Variants in PRKCE observed in about 807,000 individuals in gnomAD.
PRKCE encodes the protein protein kinase C epsilon, also known as protein kinase C epsilon type.
A neutral mutation model predicts 85.4 loss-of-function variants in PRKCE; 16 were observed. The observed-to-expected ratio is 0.19, with a 90% confidence interval of 0.13 to 0.28. The LOEUF (loss-of-function observed/expected upper bound fraction) is 0.28. PRKCE is among the 10% of genes least tolerant of loss of function. PRKCE has a pLI of 1.00. For synonymous variants in PRKCE, 388 were observed against 371.5 expected (o/e 1.04, Z -0.51); for missense variants, 573 against 975.2 (o/e 0.59, Z 5.49).
chr2:46,010,917 CTT>C, intron 10 of PRKCE: 1 of 1,451,216 alleles, frequency 6.9e-7, no homozygotes, highest in Non-Finnish European at 9.0e-7. Flanking sequence ...ACCTTAATCT[CTT>C]CTAATCTGTG....
At chr2:45,788,117 C>T (rs1304385050) in intron 1 of PRKCE, among the ~76,000 whole-genome samples, 1 of 152,204 alleles carries the variant, frequency 6.6e-6, no homozygotes, top group Non-Finnish European at 1.5e-5. Context: ...GAAACTTTTC[C>T]TGCCAAAGTG....
chr2:45,965,609 C>T (rs1701680834), intron 2 of PRKCE, among the ~76,000 whole-genome samples: 1 of 152,170 alleles, frequency 6.6e-6, no homozygotes, highest in South Asian at 2.1e-4. Flanking sequence ...TATTAAGGAC[C>T]AAATCCAGAA....
intron 1 of PRKCE, among the ~76,000 whole-genome samples, chr2:45,741,483 A>G (rs1489522303): frequency 6.6e-6 from 1 of 152,188 alleles, no homozygotes; most frequent in Non-Finnish European, 1.5e-5. Flanking sequence ...GGGGCCTGGC[A>G]GACAGAGAGC....
At chr2:45,826,128 C>T (rs1035880409) in intron 1 of PRKCE, among the ~76,000 whole-genome samples, 8 of 152,088 alleles carry the variant, frequency 5.3e-5, no homozygotes, top group African/African-American at 1.4e-4. Flanking sequence ...TTTCAGACAC[C>T]GGAGCAGATC....
intron 2 of PRKCE, among the ~76,000 whole-genome samples, chr2:45,950,979 C>G (rs1431517422): frequency 2.0e-5 from 3 of 152,170 alleles, no homozygotes; most frequent in African/African-American, 4.8e-5. Flanking sequence ...ACTTGGCCAC[C>G]AAGACAAAAG....
chr2:45,980,159 G>A (rs1702769104), intron 4 of PRKCE, 137 bp from the exon 5 acceptor site: 4 of 676,394 alleles, frequency 5.9e-6, no homozygotes, highest in African/African-American at 1.8e-5. Context: ...AAAGACTTTA[G>A]GGAGGGTATT....
intron 1 of PRKCE, among the ~76,000 whole-genome samples, chr2:45,797,522 G>T (rs556031351): frequency 2.6e-5 from 4 of 152,330 alleles, no homozygotes; most frequent in East Asian, 1.9e-4. Flanking sequence ...CTGCCAGCAG[G>T]CTTCTTGCAC....
rs573041955 is a variant in PRKCE, at chr2:45,931,968, C to T, written c.413-44461C>T. 2.6e-5 allele frequency among the ~76,000 whole-genome samples: 4 copies of T among 152,312 alleles called. No homozygotes were observed. In the East Asian group the frequency reaches 7.7e-4, roughly 29 times the overall value. On this transcript the variant is annotated intron_variant, in intron 2 of 14. Transcript: ENST00000306156. ...CTGACCTCAGGTGACCCACCCGCCT[C>T]AGCCTCCCCAAGTGCTGGGATTACA...
intron 2 of PRKCE, among the ~76,000 whole-genome samples, chr2:45,971,131 A>G (rs941292099): frequency 2.0e-5 from 3 of 152,206 alleles, no homozygotes; most frequent in Non-Finnish European, 4.4e-5. Flanking sequence ...CTCATCTTGC[A>G]TAACTGGAAC....
intron 10 of PRKCE, among the ~76,000 whole-genome samples, chr2:46,084,793 C>G (rs533160353): frequency 2.2e-4 from 34 of 151,500 alleles, no homozygotes; most frequent in African/African-American, 7.8e-4. Flanking sequence ...CTTCGCTAAC[C>G]TTCCTCTACA....
chr2:45,870,002 G>A (rs929611085), intron 2 of PRKCE, among the ~76,000 whole-genome samples: 39 of 152,008 alleles, frequency 2.6e-4, no homozygotes, highest in East Asian at 1.9e-4. Context: ...CACTGCGCCC[G>A]GCCCCATTAC....
At chr2:45,733,104 C>T (rs778673056) in intron 1 of PRKCE, among the ~76,000 whole-genome samples, 10 of 152,154 alleles carry the variant, frequency 6.6e-5, no homozygotes, top group East Asian at 1.9e-4. Flanking sequence ...CCTGGGGCTG[C>T]GGTTTACTGG....
chr2:45,826,021 G>T (rs1380355950), intron 1 of PRKCE, among the ~76,000 whole-genome samples: 1 of 152,218 alleles, frequency 6.6e-6, no homozygotes, highest in African/African-American at 2.4e-5. Flanking sequence ...TATAAGTCAT[G>T]TGTCTGTGAA....
At chr2:45,966,052 G>A (rs1701707273) in intron 2 of PRKCE, among the ~76,000 whole-genome samples, 1 of 152,042 alleles carries the variant, frequency 6.6e-6, no homozygotes, top group Admixed American at 6.5e-5. Context: ...GGTACAAGTG[G>A]GACTAGGCTA....
chr2:45,824,227 A>G (rs1278758064), intron 1 of PRKCE, among the ~76,000 whole-genome samples: 2 of 152,256 alleles, frequency 1.3e-5, no homozygotes, highest in Non-Finnish European at 2.9e-5. Flanking sequence ...AATTAGTTCC[A>G]TTAATCCTCT....
chr2:46,058,481 T>A (rs1035211045), intron 10 of PRKCE, among the ~76,000 whole-genome samples: 1 of 152,226 alleles, frequency 6.6e-6, no homozygotes, highest in Non-Finnish European at 1.5e-5. Flanking sequence ...GTCTGAATTT[T>A]AAATCCCATA....
At chr2:45,724,940 G>A (rs1680928617) in intron 1 of PRKCE, among the ~76,000 whole-genome samples, 1 of 152,254 alleles carries the variant, frequency 6.6e-6, no homozygotes, top group African/African-American at 2.4e-5. Flanking sequence ...AGGTTACCCA[G>A]AAGATCTAGC....
chr2:45,990,789 G>A (rs1250224012), intron 6 of PRKCE, among the ~76,000 whole-genome samples: 1 of 151,626 alleles, frequency 6.6e-6, no homozygotes, highest in Non-Finnish European at 1.5e-5. Flanking sequence ...AGCCTCTGGA[G>A]TAGCTGGGAC....
At chr2:45,673,870 G>T (rs1227143279) in intron 1 of PRKCE, among the ~76,000 whole-genome samples, 1 of 152,148 alleles carries the variant, frequency 6.6e-6, no homozygotes, top group African/African-American at 2.4e-5. Context: ...TGGTTCCAGG[G>T]ATCGTTCCTA....
Sources: gnomAD v4.1 joint callset for allele counts (sites outside exome capture counted in the v4.1 genomes callset) on GRCh38, gnomAD v4.1.1 for gene constraint, MANE v1.5 for transcripts, NCBI Gene and HGNC (gene_info 2026-07-23, HGNC 2026-07-21) for gene names.